NME2: variants seen among roughly 807,000 people sequenced by gnomAD.
NME2 encodes the protein nucleoside diphosphate kinase B.
In NME2, 18 loss-of-function variants were observed where a neutral mutation model predicts 17.8. The observed-to-expected ratio is 1.01, with a 90% confidence interval of 0.70 to 1.50. The LOEUF is 1.50. Among genes scored for constraint, NME2 ranks in the 40% most tolerant of loss-of-function variants. The pLI is 0.00. For synonymous variants in NME2, 74 were observed against 71.4 expected (o/e 1.04, Z -0.19); for missense variants, 161 against 195.6 (o/e 0.82, Z 1.05).
chr17:51,170,244 C>T (rs961361657), intron 4 of NME2, among the ~76,000 whole-genome samples, 195 bp downstream of exon 4: 1 of 150,568 alleles, frequency 6.6e-6, no homozygotes, highest in Non-Finnish European at 1.5e-5. Flanking sequence ...CGGGTTCAAG[C>T]GATCCTCCTG....
chr17:51,167,038 G>T, intron 2 of NME2, 82 bp downstream of exon 2: 1 of 1,605,272 alleles, frequency 6.2e-7, no homozygotes, highest in African/African-American at 1.3e-5. Flanking sequence ...GTCCGCGTCT[G>T]CTTTCCGAGT....
Position 51,168,242 on chromosome 17 carries a change from G to T in NME2, c.127G>T (p.Ala43Ser). The part of the protein sequence containing the change: ...FRLVAMKFLR[A>S]SEEHLKQHYI... ...ACTGGTGCCTCCTCTCCAATGCCAG[G>T]CCTCTGAAGAACACCTGAAGCAGCA... The change falls in exon 3 of 5, where the codon GCC (alanine) becomes TCC (serine). Residue 43 changes from alanine to serine, a missense_variant and splice_region_variant. Coordinates refer to ENST00000512737, the MANE Select transcript of NME2 (RefSeq NM_002512.4). 1 of 1,613,638 alleles carries T rather than the reference G, an allele frequency of 6.2e-7. No homozygotes were observed. Among genetic ancestry groups the T allele is most frequent in the Non-Finnish European group, 8.5e-7 (1 of 1,179,734 alleles).
chr17:51,171,609 T>G lies in NME2; in HGVS notation c.*5T>G. 6.2e-7 allele frequency: 1 copy of G among 1,608,288 alleles called. No individual in the cohort carries two copies. The highest frequency in any genetic ancestry group is 8.5e-7 in the Non-Finnish European group (1 of 1,174,858). ...CATGACTGGGTCTATGAATAAGAGG[T>G]GGACACAACAGCAGTCTCCTTCAGC... On this transcript the variant is annotated 3_prime_UTR_variant, in exon 5 of 5. Coordinates refer to ENST00000512737, the MANE Select transcript of NME2 (RefSeq NM_002512.4).
chr17:51,166,579 G>A (rs761336363), intron 1 of NME2, 82 bp downstream of exon 1: 8 of 271,904 alleles, frequency 2.9e-5, no homozygotes, highest in Non-Finnish European at 5.4e-5. Context: ...CCCGGTCTGT[G>A]GGCGCCCCCC....
intron 3 of NME2, among the ~76,000 whole-genome samples, chr17:51,168,816 G>A (rs1056276060): frequency 2.0e-5 from 3 of 151,326 alleles, no homozygotes; most frequent in Admixed American, 6.6e-5. Flanking sequence ...AGGCTGAGGC[G>A]GGTGGATCAC....
At position 51,171,479 on chromosome 17, in the gene NME2, TTTC is replaced by T. The variant is rs201931229; in HGVS notation, c.342-5_342-3del. On this transcript the variant is annotated splice_region_variant and splice_polypyrimidine_tract_variant and intron_variant, in intron 4 of 4. Transcript: ENST00000512737. ...AACATGGCAACTTGTAATTGTTTTCTTTCTTAGGAACATCATTCATGGCAGTGA... is the reference window on the plus strand; with the variant it reads ...AACATGGCAACTTGTAATTGTTTTCTTTAGGAACATCATTCATGGCAGTGA... 0.028 allele frequency: 45,144 copies of T among 1,612,542 alleles called. 783 individuals are homozygous for T. Among genetic ancestry groups the T allele is most frequent in the Middle Eastern group, 0.046 (277 of 6,052 alleles).
At chr17:51,165,617 T>C (rs1238339928), upstream of NME2, 1 of 152,308 alleles carries the variant, frequency 6.6e-6, no homozygotes, top group Non-Finnish European at 1.5e-5. Flanking sequence ...GGGTCTAGAC[T>C]TTCCTCAGGG....
At chr17:51,170,618 C>T (rs1036183076) in intron 4 of NME2, among the ~76,000 whole-genome samples, 7 of 151,348 alleles carry the variant, frequency 4.6e-5, no homozygotes, top group African/African-American at 1.7e-4. Context: ...AACATGAACC[C>T]CGTCTCTACT....
At position 51,171,510 on chromosome 17, in the gene NME2, C is replaced by T. The variant is rs1167963648; in HGVS notation, c.365C>T (p.Ser122Leu). ...VGRNIIHGSD[S>L]VKSAEKEISL... ...AGGAACATCATTCATGGCAGTGATT[C>T]AGTAAAAAGTGCTGAAAAAGAAATC... is the stretch of plus-strand genomic sequence containing the variant. Residue 122 changes from serine (S) to leucine (L), a missense_variant, in exon 5 of 5, where the codon TCA becomes TTA. Physicochemically the swap from Ser to Leu is moderately radical, Grantham distance 145. Transcript: ENST00000512737. 2 of 1,613,540 alleles carry T rather than the reference C, an allele frequency of 1.2e-6. No individual in the cohort carries two copies. Among genetic ancestry groups the T allele is most frequent in the Non-Finnish European group, 1.7e-6 (2 of 1,179,636 alleles).
At chr17:51,168,159 C>T (rs1005361653) in intron 2 of NME2, 83 bp from the exon 3 acceptor site, 10 of 1,326,494 alleles carry the variant, frequency 7.5e-6, no homozygotes, top group African/African-American at 2.9e-5. Context: ...AATATAAAAC[C>T]GGACTTGCTA....
chr17:51,166,995 C>T, intron 2 of NME2, 39 bp downstream of exon 2: 1 of 1,609,460 alleles, frequency 6.2e-7, no homozygotes, highest in South Asian at 1.1e-5. Flanking sequence ...CTGCAGCCGG[C>T]TCGCGGGTGT....
At chr17:51,167,023 G>T in intron 2 of NME2, 67 bp downstream of exon 2, 2 of 1,608,158 alleles carry the variant, frequency 1.2e-6, no homozygotes. Context: ...TCCCGGCGGC[G>T]GTTTGTCCGC....
At chr17:51,167,184 G>A in intron 2 of NME2, 1 of 1,003,654 alleles carries the variant, frequency 1.0e-6, no homozygotes, top group East Asian at 3.5e-5. Flanking sequence ...CGCCCTCCGG[G>A]TTTGGGTTCC....
At position 51,168,256 on chromosome 17, in the gene NME2, C is replaced by T. The variant is rs1162959454; in HGVS notation, c.141C>T (p.His47=). The T allele has an allele frequency of 6.2e-7, 1 of 1,613,752 alleles. No individual in the cohort carries two copies. The highest frequency in any genetic ancestry group is 2.2e-5 in the East Asian group (1 of 44,872). Residue 47 remains histidine, a synonymous_variant, in exon 3 of 5, where the codon CAC becomes CAT. Coordinates refer to ENST00000512737, the MANE Select transcript of NME2 (RefSeq NM_002512.4). ...AMKFLRASEE[H]LKQHYIDLKD... ...TCCAATGCCAGGCCTCTGAAGAACACCTGAAGCAGCACTACATTGACCTGA... is the reference window on the plus strand; with the variant it reads ...TCCAATGCCAGGCCTCTGAAGAACATCTGAAGCAGCACTACATTGACCTGA...
intron 4 of NME2, among the ~76,000 whole-genome samples, chr17:51,170,786 TCA>T (rs1491408690): frequency 1.1e-5 from 1 of 93,552 alleles, no homozygotes; most frequent in African/African-American, 5.0e-5. Flanking sequence ...AAACTCCGTC[TCA>T]AAAAAAAAAA....
chr17:51,168,704 AGGTACATGTCTCTAT>A (rs2050001042), intron 3 of NME2, among the ~76,000 whole-genome samples: 1 of 151,630 alleles, frequency 6.6e-6, no homozygotes, highest in Admixed American at 6.6e-5. Context: ...GGACTTTTTC[AGGTACATGTCTCTAT>A]GGTTAAATAG....
intron 4 of NME2, 28 bp from the exon 5 acceptor site, chr17:51,171,459 G>A (rs777751616): frequency 3.7e-6 from 6 of 1,603,320 alleles, no homozygotes; most frequent in Non-Finnish European, 5.1e-6. Flanking sequence ...TTTAAAACAT[G>A]GCAACTTGTA....
chr17:51,170,909 TGGA>T (rs1451723242), intron 4 of NME2, among the ~76,000 whole-genome samples: 4 of 152,074 alleles, frequency 2.6e-5, no homozygotes. Flanking sequence ...ATGCTAGGTG[TGGA>T]GAAGGGAAGC....
chr17:51,167,180 C>T, intron 2 of NME2: 6 of 1,038,272 alleles, frequency 5.8e-6, no homozygotes, highest in Non-Finnish European at 7.8e-6. Context: ...GACTCGCCCT[C>T]CGGGTTTGGG....
Sources: allele counts gnomAD v4.1 joint callset (sites outside exome capture counted in the v4.1 genomes callset), GRCh38; gene constraint gnomAD v4.1.1; transcripts MANE v1.5; gene names NCBI Gene and HGNC (gene_info 2026-07-23, HGNC 2026-07-21).